CNOT4: variants seen among roughly 807,000 people sequenced by gnomAD.
CNOT4 encodes the protein CCR4-NOT transcription complex subunit 4, also known as CCR4-associated factor 4.
CNOT4 carries 8 observed loss-of-function variants against 73.8 expected under a neutral mutation model. That is an observed-to-expected ratio of 0.11 (90% confidence interval 0.06 to 0.20). CNOT4 has a LOEUF of 0.20. Ranked by LOEUF, CNOT4 falls within the 10% of genes least tolerant of loss-of-function variation. The pLI is 1.00. For missense variants in CNOT4, 564 were observed against 883.4 expected (o/e 0.64, Z 4.58); for synonymous variants, 293 against 321.1 (o/e 0.91, Z 0.94).
chr7:135,497,575 A>G lies in CNOT4; in HGVS notation c.-93+12314T>C, dbSNP rs113947045. On this transcript the variant is annotated intron_variant, in intron 1 of 11. Coordinates refer to ENST00000541284, the MANE Select transcript of CNOT4 (RefSeq NM_001190850.2). Reference sequence around the variant, plus strand: ...TCTGTCCTTATAGTGAAATAATTCTATGCTACCAAGCACACTCAAAACTAT... The same window carrying G: ...TCTGTCCTTATAGTGAAATAATTCTGTGCTACCAAGCACACTCAAAACTAT... Among the ~76,000 whole-genome samples the G allele has an allele frequency of 3.3e-5, 5 of 152,338 alleles. 1 individual carries two copies. The highest frequency in any genetic ancestry group is 9.6e-5 in the African/African-American group (4 of 41,584).
rs112263507 is a variant in CNOT4 at position 135,370,507 on chromosome 7, C to G, written c.1628-6441G>C. Among the ~76,000 whole-genome samples the G allele has an allele frequency of 3.0e-4, 45 of 152,328 alleles. 1 individual carries two copies. The highest frequency in any genetic ancestry group is 1.0e-3 in the African/African-American group (43 of 41,572). ...AGCACTTAGGGTCTGAACCATTCAT[C>G]TGGCAGCACACCATGCCGTGCCATC... is the stretch of plus-strand genomic sequence containing the variant. On this transcript the variant is annotated intron_variant, in intron 10 of 11. Coordinates refer to ENST00000541284, the MANE Select transcript of CNOT4 (RefSeq NM_001190850.2).
chr7:135,444,573 C>G, intron 1 of CNOT4: 1 of 1,373,130 alleles, frequency 7.3e-7, no homozygotes, highest in Non-Finnish European at 1.0e-6. Context: ...CCGACCTATC[C>G]CAGAATGATG....
chr7:135,390,751 G>A (rs536918654), intron 10 of CNOT4, among the ~76,000 whole-genome samples: 2 of 152,096 alleles, frequency 1.3e-5, no homozygotes, highest in Non-Finnish European at 2.9e-5. Flanking sequence ...CAAATGTATA[G>A]TAAGTAGACA....
chr7:135,417,544 T>C (rs958183088), intron 3 of CNOT4, among the ~76,000 whole-genome samples: 8 of 152,206 alleles, frequency 5.3e-5, no homozygotes, highest in Admixed American at 3.3e-4. Flanking sequence ...TGGAAATGTT[T>C]TCTGGCCAAC....
intron 10 of CNOT4, among the ~76,000 whole-genome samples, chr7:135,373,575 AT>A (rs768527904): frequency 5.3e-5 from 8 of 152,162 alleles, no homozygotes; most frequent in Middle Eastern, 3.4e-3. Context: ...TAGAATTATT[AT>A]TTTTTTATTT....
chr7:135,424,513 G>A (rs1300472098), intron 2 of CNOT4, among the ~76,000 whole-genome samples: 2 of 152,084 alleles, frequency 1.3e-5, no homozygotes, highest in African/African-American at 4.8e-5. Context: ...GGCCAGGCGC[G>A]GTGGCTCACG....
chr7:135,457,233 TAC>T (rs796928330), intron 1 of CNOT4, among the ~76,000 whole-genome samples: 1 of 151,974 alleles, frequency 6.6e-6, no homozygotes, highest in African/African-American at 2.4e-5. Context: ...ACAGGGAGCA[TAC>T]AGTTGTAAAA....
At chr7:135,417,227 G>C (rs540426199) in intron 3 of CNOT4, among the ~76,000 whole-genome samples, 1 of 152,232 alleles carries the variant, frequency 6.6e-6, no homozygotes, top group South Asian at 2.1e-4. Flanking sequence ...TGCAGATTCA[G>C]ATCCAGCAGA....
At chr7:135,425,195 G>A (rs114665557) in intron 2 of CNOT4, among the ~76,000 whole-genome samples, 5,861 of 152,278 alleles carry the variant, frequency 0.038, 377 homozygotes, top group African/African-American at 0.13. Flanking sequence ...CATCACAGAA[G>A]GCGTAAGAAG....
At chr7:135,484,078 C>T (rs1451411905) in intron 1 of CNOT4, among the ~76,000 whole-genome samples, 1 of 151,980 alleles carries the variant, frequency 6.6e-6, no homozygotes, top group Non-Finnish European at 1.5e-5. Flanking sequence ...GCCTATAGTA[C>T]CAGTTACTCA....
chr7:135,458,546 C>T (rs1263631018), intron 1 of CNOT4, among the ~76,000 whole-genome samples: 2 of 152,198 alleles, frequency 1.3e-5, no homozygotes, highest in East Asian at 3.9e-4. Flanking sequence ...CCACGTAGAA[C>T]CTCTTTCAAA....
intron 10 of CNOT4, among the ~76,000 whole-genome samples, chr7:135,370,852 T>C (rs73158917): frequency 0.089 from 13,507 of 152,210 alleles, 695 homozygotes; most frequent in East Asian, 0.16. Context: ...GCATGTAAAC[T>C]GAAGGAAATG....
chr7:135,455,832 C>T (rs1240187199), intron 1 of CNOT4, among the ~76,000 whole-genome samples: 1 of 152,094 alleles, frequency 6.6e-6, no homozygotes, highest in Non-Finnish European at 1.5e-5. Context: ...TGCACCACTG[C>T]ACTCCAGCCT....
intron 1 of CNOT4, among the ~76,000 whole-genome samples, chr7:135,500,022 C>T (rs1419956842): frequency 6.6e-6 from 1 of 152,050 alleles, no homozygotes; most frequent in Non-Finnish European, 1.5e-5. Flanking sequence ...GAGGCGATGC[C>T]AACGAAAAAC....
intron 1 of CNOT4, among the ~76,000 whole-genome samples, chr7:135,495,696 AAGAAAGAAAGAAAGAAAGAAAG>A (rs1803494274): frequency 4.1e-5 from 1 of 24,334 alleles, no homozygotes; most frequent in African/African-American, 1.3e-4. Flanking sequence ...AAAAAAAAGA[AAGAAAGAAAGAAAGAAAGAAAG>A]AAAGAAAGAA....
intron 3 of CNOT4, among the ~76,000 whole-genome samples, chr7:135,416,896 C>T (rs921654121): frequency 5.3e-5 from 8 of 152,114 alleles, no homozygotes; most frequent in African/African-American, 1.4e-4. Context: ...AGAATTGTCC[C>T]GCACAATTTC....
At chr7:135,498,769 G>A (rs554937910) in intron 1 of CNOT4, among the ~76,000 whole-genome samples, 164 of 152,198 alleles carry the variant, frequency 1.1e-3, no homozygotes, top group African/African-American at 3.7e-3. Flanking sequence ...GGCTGGTCTC[G>A]AACTCCTGAC....
intron 7 of CNOT4, among the ~76,000 whole-genome samples, chr7:135,402,719 G>A (rs973446877): frequency 6.6e-6 from 1 of 152,094 alleles, no homozygotes; most frequent in East Asian, 1.9e-4. Context: ...TTGTTTTACA[G>A]ATAAAGAAAT....
chr7:135,362,884 C>T lies in CNOT4; in HGVS notation c.*1G>A. 6.2e-7 allele frequency: 1 copy of T among 1,612,740 alleles called. No homozygotes were observed. The highest frequency in any genetic ancestry group is 8.5e-7 in the Non-Finnish European group (1 of 1,179,448). ...ATTTTCTAATGGTTGCTCCTCTTTG[C>T]CTAATGGCGGTCCAGTGTTGAACTC... On this transcript the variant is annotated 3_prime_UTR_variant, in exon 12 of 12. Transcript: ENST00000541284.
Sources: gnomAD v4.1 joint callset for allele counts (sites outside exome capture counted in the v4.1 genomes callset) on GRCh38, gnomAD v4.1.1 for gene constraint, MANE v1.5 for transcripts, NCBI Gene and HGNC (gene_info 2026-07-23, HGNC 2026-07-21) for gene names.